USP9X: variants seen among roughly 807,000 people sequenced by gnomAD.
The protein encoded by USP9X is ubiquitin specific peptidase 9 X-linked, also known as ubiquitin carboxyl-terminal hydrolase 9X.
USP9X carries 7 observed loss-of-function variants against 190.3 expected under a neutral mutation model. That is an observed-to-expected ratio of 0.04 (90% CI 0.02 to 0.07). The LOEUF is 0.07. USP9X is among the 10% of genes least tolerant of loss of function. The pLI is 1.00. For synonymous variants in USP9X, 645 were observed against 659.5 expected, an observed-to-expected ratio of 0.98 and a Z score of 0.34; for missense variants, 1,010 against 1,916.9, an observed-to-expected ratio of 0.53 and a Z score of 8.83.
intron 41 of USP9X, among the ~76,000 whole-genome samples, chrX:41,226,715 G>A (rs60042004): frequency 0.14 from 15,435 of 111,742 alleles, 949 homozygotes; most frequent in East Asian, 0.22. Flanking sequence ...AATTATAGTC[G>A]TTTATTCAGG....
intron 21 of USP9X, among the ~76,000 whole-genome samples, chrX:41,182,197 C>A (rs989128075): frequency 9.0e-6 from 1 of 111,335 alleles, no homozygotes; most frequent in African/African-American, 3.3e-5. Flanking sequence ...CATGGCATAA[C>A]TCTGTCTCTA....
In USP9X at chrX:41,088,344, G is replaced by A. The variant is rs756624205; in HGVS notation, c.-159+2235G>A. 3.6e-5 allele frequency among the ~76,000 whole-genome samples: 4 copies of A among 111,532 alleles called. No homozygotes were observed. In the South Asian group the frequency reaches 1.5e-3, roughly 41 times the overall value. The stretch of plus-strand genomic sequence containing the variant: ...ATATCTTAAGGTATGAGATTTCTTT[G>A]CTATCTTCTCAGAGATTTTTCTTTG... On this transcript the variant is annotated intron_variant, in intron 1 of 44. Transcript: ENST00000378308.
chrX:41,176,005 C>A (rs902434014), intron 21 of USP9X, among the ~76,000 whole-genome samples: 1 of 111,236 alleles, frequency 9.0e-6, no homozygotes, highest in Non-Finnish European at 1.9e-5. Context: ...GATTCTCCTG[C>A]CTCAGCCTCC....
intron 31 of USP9X, among the ~76,000 whole-genome samples, chrX:41,204,279 G>A (rs1206707409): frequency 9.0e-6 from 1 of 111,689 alleles, no homozygotes; most frequent in Non-Finnish European, 1.9e-5. Flanking sequence ...AGTTTTAAGA[G>A]TTCTCTGTAT....
chrX:41,203,876 T>G (rs2063065762), intron 31 of USP9X, among the ~76,000 whole-genome samples: 1 of 110,690 alleles, frequency 9.0e-6, no homozygotes, highest in Non-Finnish European at 1.9e-5. Context: ...TTTTGTATTT[T>G]TAGTAGAGAT....
Position 41,144,640 on chromosome X carries a change from T to G in USP9X, c.1419+14T>G. The G allele has an allele frequency of 9.1e-7, 1 of 1,098,794 alleles. No individual in the cohort carries two copies. Among genetic ancestry groups the G allele is most frequent in the Non-Finnish European group, 1.3e-6 (1 of 794,873 alleles). The allele number at this position is 1,098,794 out of a possible 1,213,427, so 90.6% of individuals were successfully genotyped here. A position where few individuals can be genotyped will look rare whatever the true frequency, so the allele number is the denominator to read the frequency against. ...GATTGTTTTAAGGTAATTGTTAACA[T>G]AGCAAAATATTACCATTCTATTTCA... On this transcript the variant is annotated intron_variant, in intron 11 of 44. Transcript: ENST00000378308.
At chrX:41,109,329 C>G (rs2062092220) in intron 1 of USP9X, among the ~76,000 whole-genome samples, 1 of 111,890 alleles carries the variant, frequency 8.9e-6, no homozygotes, top group South Asian at 3.6e-4. Context: ...CCTACAGCCA[C>G]TTAAAAATTT....
rs1333648591 is a variant in USP9X, at chrX:41,234,329, T to C, written c.*1805T>C. 1 of 112,102 alleles carries C rather than the reference T, an allele frequency of 8.9e-6. No homozygotes were observed. The highest frequency in any genetic ancestry group is 9.6e-5 in the Admixed American group (1 of 10,436). The allele number at this position is 112,102 out of a possible 1,213,427, so 9.2% of individuals were successfully genotyped here. A position where few individuals can be genotyped will look rare whatever the true frequency, so the allele number is the denominator to read the frequency against. On this transcript the variant is annotated 3_prime_UTR_variant, in exon 45 of 45. Transcript: ENST00000378308. ...ATTCAGTTAATAGGGAAATGTTTTG[T>C]CAAAAGGCTACACTTGGAACTGAAC...
intron 21 of USP9X, among the ~76,000 whole-genome samples, chrX:41,176,267 C>T (rs1344547732): frequency 9.0e-6 from 1 of 111,452 alleles, no homozygotes; most frequent in African/African-American, 3.3e-5. Flanking sequence ...GCTCCCTCCT[C>T]CTCCTTCATG....
Position 41,163,783 on chromosome X carries a change from T to G in USP9X, c.1985+906T>G, listed in dbSNP as rs780989993. ...TTTAAATGAGAGGTTCCTTTTGAATTCAAAAAACCACATGTAGCAAAAGAG... is the reference window on the plus strand; with the variant it reads ...TTTAAATGAGAGGTTCCTTTTGAATGCAAAAAACCACATGTAGCAAAAGAG... On this transcript the variant is annotated intron_variant, in intron 15 of 44. Coordinates refer to ENST00000378308, the MANE Select transcript of USP9X (RefSeq NM_001039591.3). 1.9e-4 allele frequency among the ~76,000 whole-genome samples: 21 copies of G among 110,850 alleles called. 1 individual carries two copies. The Middle Eastern group carries it at 0.027, about 145-fold the overall frequency.
At chrX:41,182,793 A>G (rs1042230569) in intron 21 of USP9X, among the ~76,000 whole-genome samples, 10 of 111,365 alleles carry the variant, frequency 9.0e-5, no homozygotes, top group African/African-American at 3.3e-4. Flanking sequence ...TTTATTATAA[A>G]AACTATTTTA....
intron 32 of USP9X, among the ~76,000 whole-genome samples, chrX:41,206,940 C>G (rs1010690133): frequency 1.8e-5 from 2 of 108,131 alleles, no homozygotes; most frequent in African/African-American, 6.7e-5. Flanking sequence ...GTGGGCCAAC[C>G]ATGCCCGGCC....
chrX:41,150,633 G>T (rs753170271), intron 12 of USP9X, among the ~76,000 whole-genome samples: 1 of 111,471 alleles, frequency 9.0e-6, no homozygotes, highest in Admixed American at 9.5e-5. Flanking sequence ...CTTTCTGTCA[G>T]TGTGCCTAAT....
intron 1 of USP9X, among the ~76,000 whole-genome samples, chrX:41,095,243 T>C (rs1352742987): frequency 1.8e-5 from 2 of 111,356 alleles, no homozygotes; most frequent in Admixed American, 1.9e-4. Context: ...AAAAGTGTAG[T>C]AGGAGAGATG....
chrX:41,088,374 G>A (rs1178303771), intron 1 of USP9X, among the ~76,000 whole-genome samples: 1 of 111,898 alleles, frequency 8.9e-6, no homozygotes, highest in African/African-American at 3.3e-5. Flanking sequence ...TCTTTGACAT[G>A]GTGGTAATAA....
At chrX:41,135,022 T>C (rs2062359228) in intron 5 of USP9X, among the ~76,000 whole-genome samples, 185 bp downstream of exon 5, 1 of 112,313 alleles carries the variant, frequency 8.9e-6, no homozygotes, top group East Asian at 2.8e-4. Context: ...TCATTTAGAA[T>C]AAGCATGAGA....
At chrX:41,183,231 GC>G in intron 21 of USP9X, among the ~76,000 whole-genome samples, 1 of 106,950 alleles carries the variant, frequency 9.4e-6, no homozygotes, top group East Asian at 2.9e-4. Context: ...GAGCCACTGC[GC>G]CCAGACCTAT....
rs779135131 is a variant in USP9X at position 41,150,998 on chromosome X, C to T, written c.1704C>T (p.Pro568=). ...ELRTNDKWVI[P]ALKQIREICS... ...GCACAAATGACAAATGGGTTATTCC[C>T]GCACTGAAACAAATTAGAGAAATTT... The change falls in exon 13 of 45, where the codon CCC becomes CCT. Residue 568 remains proline (P), a synonymous_variant. Coordinates refer to ENST00000378308, the MANE Select transcript of USP9X (RefSeq NM_001039591.3). 8 of 1,205,032 alleles carry T rather than the reference C, an allele frequency of 6.6e-6. No homozygotes were observed. Among genetic ancestry groups the T allele is most frequent in the Middle Eastern group, 2.5e-4 (1 of 4,042 alleles).
chrX:41,206,318 A>G (rs944102301), intron 32 of USP9X, among the ~76,000 whole-genome samples: 1 of 112,290 alleles, frequency 8.9e-6, no homozygotes, highest in South Asian at 3.6e-4. Context: ...AAAATTGCTT[A>G]ATATCAAATA....
Sources: allele counts gnomAD v4.1 joint callset (sites outside exome capture counted in the v4.1 genomes callset), GRCh38; gene constraint gnomAD v4.1.1; transcripts MANE v1.5; gene names NCBI Gene and HGNC (gene_info 2026-07-23, HGNC 2026-07-21).